Variants in SVEP1 observed in about 807,000 individuals in gnomAD.
The protein encoded by SVEP1 is sushi, von Willebrand factor type A, EGF and pentraxin domain-containing protein 1.
In SVEP1, 164 loss-of-function variants were observed where a neutral mutation model predicts 367.3. That is an observed-to-expected ratio of 0.45 (90% confidence interval 0.39 to 0.51). The LOEUF (loss-of-function observed/expected upper bound fraction) is 0.51. Among genes scored for constraint, SVEP1 ranks in the 20% least tolerant of loss-of-function variants. The probability of loss-of-function intolerance (pLI) is 0.00; values close to 1 mark genes in which losing one functional copy is unlikely to be tolerated. For synonymous variants in SVEP1, 1,666 were observed against 1,611.6 expected (o/e 1.03, Z -0.81); for missense variants, 4,117 against 4,425.3 (o/e 0.93, Z 1.98).
intron 8 of SVEP1, among the ~76,000 whole-genome samples, chr9:110,492,975 T>C (rs1253877014): frequency 1.3e-5 from 2 of 152,204 alleles, no homozygotes; most frequent in Admixed American, 6.5e-5. Context: ...TTGAGCAATA[T>C]GGACAGACTG....
intron 3 of SVEP1, among the ~76,000 whole-genome samples, chr9:110,522,617 G>A (rs1482684629): frequency 3.3e-4 from 50 of 152,118 alleles, no homozygotes; most frequent in Non-Finnish European, 7.4e-5. Flanking sequence ...AGAGAGAATC[G>A]GCATATGTCA....
At chr9:110,486,006 T>C (rs575222517) in intron 9 of SVEP1, among the ~76,000 whole-genome samples, 1 of 152,330 alleles carries the variant, frequency 6.6e-6, no homozygotes, top group South Asian at 2.1e-4. Flanking sequence ...GTTTATTATT[T>C]CACTGTAGAC....
chr9:110,391,789 G>C (rs1827659414), intron 40 of SVEP1, among the ~76,000 whole-genome samples: 1 of 152,062 alleles, frequency 6.6e-6, no homozygotes, highest in African/African-American at 2.4e-5. Flanking sequence ...GCTTCTGGAT[G>C]TGTCTGTGAG....
intron 1 of SVEP1, among the ~76,000 whole-genome samples, chr9:110,559,093 G>A (rs557045441): frequency 2.0e-5 from 3 of 152,072 alleles, no homozygotes; most frequent in East Asian, 3.9e-4. Flanking sequence ...TGGAAACCAT[G>A]TTCAACTATT....
chr9:110,446,970 G>A lies in SVEP1; in HGVS notation c.4191C>T (p.Thr1397=), dbSNP rs1381888761. The A allele has an allele frequency of 6.5e-7, 1 of 1,546,886 alleles. No homozygotes were observed. The highest frequency in any genetic ancestry group is 8.7e-7 in the Non-Finnish European group (1 of 1,145,298). ...TGTATGAATTTAATTCATCCACACA[G>A]GTGGCCTGATTTCTACATGGATTAG... ...CQSNPCRNQA[T]CVDELNSYSC... Residue 1397 remains threonine (T), a synonymous_variant, in exon 25 of 48, where the codon ACC becomes ACT. Transcript: ENST00000374469.
At chr9:110,515,206 T>G (rs1410484207) in intron 3 of SVEP1, among the ~76,000 whole-genome samples, 1 of 152,084 alleles carries the variant, frequency 6.6e-6, no homozygotes, top group Non-Finnish European at 1.5e-5. Context: ...CTTGCAATGC[T>G]CAGTTAAGCC....
Position 110,483,749 on chromosome 9 carries a change from G to A in SVEP1, c.1931-56C>T, listed in dbSNP as rs549578003. ...ACAGCTGATATTCACAAACGATGAG[G>A]AGGTTTTCAAAAGAGAACTGAAGTC... On this transcript the variant is annotated intron_variant, in intron 9 of 47. Coordinates refer to ENST00000374469, the MANE Select transcript of SVEP1 (RefSeq NM_153366.4). The A allele has an allele frequency of 8.0e-6, 11 of 1,372,922 alleles. No individual in the cohort carries two copies. In the South Asian group the frequency reaches 1.6e-4, roughly 20 times the overall value. The allele number at this position is 1,372,922 out of a possible 1,614,324, so 85.0% of individuals were successfully genotyped here. A position where few individuals can be genotyped will look rare whatever the true frequency, so the allele number is the denominator to read the frequency against.
intron 9 of SVEP1, among the ~76,000 whole-genome samples, chr9:110,487,654 C>CA (rs1829301062): frequency 6.6e-6 from 1 of 152,018 alleles, no homozygotes; most frequent in African/African-American, 2.4e-5. Flanking sequence ...TTAAAATAAA[C>CA]ATATGAAAAA....
At chr9:110,518,428 A>T (rs1451635085) in intron 3 of SVEP1, among the ~76,000 whole-genome samples, 1 of 152,166 alleles carries the variant, frequency 6.6e-6, no homozygotes, top group Non-Finnish European at 1.5e-5. Context: ...TCTCAAAAAA[A>T]AAAAAAGTAA....
intron 44 of SVEP1, among the ~76,000 whole-genome samples, chr9:110,378,393 A>G (rs899484981): frequency 1.2e-4 from 18 of 152,162 alleles, no homozygotes; most frequent in African/African-American, 4.3e-4. Flanking sequence ...GGCTCATGCC[A>G]TTCATCCATT....
chr9:110,413,312 A>G (rs1385283593), intron 36 of SVEP1, among the ~76,000 whole-genome samples: 19 of 148,318 alleles, frequency 1.3e-4, no homozygotes, highest in Non-Finnish European at 2.5e-4. Context: ...AACACCGCAT[A>G]TTCTCACTTA....
intron 3 of SVEP1, among the ~76,000 whole-genome samples, chr9:110,537,988 T>G (rs544582347): frequency 6.6e-6 from 1 of 152,084 alleles, no homozygotes. Flanking sequence ...AAGAGAAAGA[T>G]AAGATCTTAT....
intron 40 of SVEP1, 85 bp downstream of exon 40, chr9:110,400,769 A>T: frequency 7.1e-7 from 1 of 1,404,500 alleles, no homozygotes; most frequent in Non-Finnish European, 9.5e-7. Flanking sequence ...CAAAGTCAGT[A>T]AAACAAATTT....
At chr9:110,394,662 C>A (rs939870460) in intron 40 of SVEP1, among the ~76,000 whole-genome samples, 1 of 152,148 alleles carries the variant, frequency 6.6e-6, no homozygotes, top group East Asian at 1.9e-4. Flanking sequence ...CTTAAAGGAC[C>A]TGATGGAGCT....
At chr9:110,562,474 G>A (rs954556198) in intron 1 of SVEP1, among the ~76,000 whole-genome samples, 2 of 152,076 alleles carry the variant, frequency 1.3e-5, no homozygotes, top group Admixed American at 1.3e-4. Context: ...AATGTCAAGA[G>A]GTCAAAGGAG....
intron 23 of SVEP1, 81 bp downstream of exon 23, chr9:110,451,208 A>AAG: frequency 9.0e-7 from 1 of 1,110,058 alleles, no homozygotes; most frequent in Non-Finnish European, 1.3e-6. Context: ...AATTCACATT[A>AAG]ATATATATGT....
At position 110,400,709 on chromosome 9, in the gene SVEP1, G is replaced by A. The variant is rs74430834; in HGVS notation, c.9822+145C>T. The A allele has an allele frequency of 5.3e-3, 4,880 of 926,384 alleles. 161 individuals carry two copies. The African/African-American group carries it at 0.072, about 14-fold the overall frequency. 57.4% of individuals were successfully genotyped at this position (926,384 alleles called of 1,614,324 possible). A position where few individuals can be genotyped will look rare whatever the true frequency, so the allele number is the denominator to read the frequency against. ...CTCTAAGTTGCCTTAAATATTTCTTGGAAAATGTTAGAGTATAAGGGAACA... is the reference window on the plus strand; with the variant it reads ...CTCTAAGTTGCCTTAAATATTTCTTAGAAAATGTTAGAGTATAAGGGAACA... On this transcript the variant is annotated intron_variant, in intron 40 of 47. Coordinates refer to ENST00000374469, the MANE Select transcript of SVEP1 (RefSeq NM_153366.4).
At chr9:110,434,540 A>G in intron 29 of SVEP1, 34 bp from the exon 30 acceptor site, 5 of 1,600,540 alleles carry the variant, frequency 3.1e-6, no homozygotes, top group South Asian at 1.1e-5. Flanking sequence ...AGAGCTTGTC[A>G]GCGGCATAGT....
chr9:110,397,797 G>T (rs867665047), intron 40 of SVEP1, among the ~76,000 whole-genome samples: 2 of 151,832 alleles, frequency 1.3e-5, no homozygotes. Context: ...GATGTGAAGG[G>T]CCTCTTCAAG....
Sources: allele counts gnomAD v4.1 joint callset (sites outside exome capture counted in the v4.1 genomes callset), GRCh38; gene constraint gnomAD v4.1.1; transcripts MANE v1.5; gene names NCBI Gene and HGNC (gene_info 2026-07-23, HGNC 2026-07-21).